PCDH15: variants seen among roughly 807,000 people sequenced by gnomAD.
PCDH15 encodes protocadherin related 15, also known as protocadherin-15.
In PCDH15, 129 loss-of-function variants were observed where a neutral mutation model predicts 178.5. That is an observed-to-expected ratio of 0.72 (90% CI 0.63 to 0.84). The LOEUF is 0.84. Ranked by LOEUF, PCDH15 falls within the 40% of genes least tolerant of loss-of-function variation. The pLI, the probability that PCDH15 is intolerant of heterozygous loss-of-function variation, is 0.00. For missense variants in PCDH15, 2,230 were observed against 2,099.9 expected (o/e 1.06, Z -1.21); for synonymous variants, 800 against 732.0 (o/e 1.09, Z -1.50).
intron 3 of PCDH15, among the ~76,000 whole-genome samples, chr10:54,514,811 A>G (rs1231683192): frequency 6.6e-6 from 1 of 152,220 alleles, no homozygotes; most frequent in Non-Finnish European, 1.5e-5. Context: ...CATACTTGCT[A>G]TGCAATACAG....
At chr10:55,225,603 T>C (rs1841008283) in intron 1 of PCDH15, among the ~76,000 whole-genome samples, 3 of 151,168 alleles carry the variant, frequency 2.0e-5, no homozygotes, top group African/African-American at 7.3e-5. Context: ...TAAACGATTG[T>C]GGGATGTGTG....
chr10:55,377,195 C>A (rs1458706922), intron 2 of PCDH15, among the ~76,000 whole-genome samples: 4 of 150,084 alleles, frequency 2.7e-5, no homozygotes, highest in Non-Finnish European at 5.9e-5. Context: ...GTACTGTCAC[C>A]AGGCAGGCTC....
chr10:55,367,312 G>A (rs1845389183), intron 2 of PCDH15, among the ~76,000 whole-genome samples: 1 of 152,016 alleles, frequency 6.6e-6, no homozygotes, highest in Admixed American at 6.6e-5. Flanking sequence ...CAGATGCCTC[G>A]GCTCACACAT....
At chr10:55,586,986 T>C (rs1345444474) in intron 2 of PCDH15, among the ~76,000 whole-genome samples, 1 of 152,088 alleles carries the variant, frequency 6.6e-6, no homozygotes, top group African/African-American at 2.4e-5. Context: ...CAGAACCAGG[T>C]TAAAGTGGGA....
intron 2 of PCDH15, among the ~76,000 whole-genome samples, chr10:55,099,955 G>T (rs1215311324): frequency 6.6e-6 from 1 of 151,924 alleles, no homozygotes; most frequent in East Asian, 1.9e-4. Context: ...TCAAAAAAAA[G>T]TATAATCCTC....
intron 28 of PCDH15, among the ~76,000 whole-genome samples, chr10:53,853,073 G>T (rs995810294): frequency 1.3e-5 from 2 of 151,690 alleles, no homozygotes; most frequent in Admixed American, 1.3e-4. Flanking sequence ...TACTAATGTA[G>T]GTTTCAAAAA....
chr10:54,191,986 C>CG (rs1415557849), intron 11 of PCDH15, among the ~76,000 whole-genome samples: 1 of 125,440 alleles, frequency 8.0e-6, no homozygotes, highest in Non-Finnish European at 1.7e-5. Context: ...AAGGAAGGGA[C>CG]GGGGGGAAGG....
chr10:55,156,867 G>A (rs1838904565), intron 2 of PCDH15, among the ~76,000 whole-genome samples: 1 of 152,094 alleles, frequency 6.6e-6, no homozygotes, highest in African/African-American at 2.4e-5. Context: ...ATATAAATTT[G>A]AAAGTGGAAT....
chr10:54,058,604 C>T (rs1271467732), intron 18 of PCDH15, among the ~76,000 whole-genome samples: 1 of 152,034 alleles, frequency 6.6e-6, no homozygotes, highest in African/African-American at 2.4e-5. Context: ...ACAACCAAAC[C>T]ATATCGGTCA....
chr10:54,879,410 G>A (rs1269933843), intron 3 of PCDH15, among the ~76,000 whole-genome samples: 9 of 152,036 alleles, frequency 5.9e-5, no homozygotes, highest in Non-Finnish European at 1.2e-4. Context: ...ACACATGAGG[G>A]AGCTGAAGCT....
At chr10:55,041,101 T>C (rs569923187) in intron 2 of PCDH15, among the ~76,000 whole-genome samples, 41 of 152,284 alleles carry the variant, frequency 2.7e-4, no homozygotes, top group African/African-American at 9.6e-4. Flanking sequence ...AAGAATATTT[T>C]ACTTTACTGT....
chr10:54,611,047 C>T (rs2092944462), intron 2 of PCDH15, among the ~76,000 whole-genome samples: 1 of 151,644 alleles, frequency 6.6e-6, no homozygotes, highest in Non-Finnish European at 1.5e-5. Flanking sequence ...GTCTTAAATA[C>T]CACAAATGAA....
At chr10:54,144,078 G>A in intron 14 of PCDH15, among the ~76,000 whole-genome samples, 1 of 85,344 alleles carries the variant, frequency 1.2e-5, no homozygotes, top group East Asian at 1.0e-3. Context: ...TGCCTTTGTT[G>A]GAAGTTGGGG....
At chr10:55,185,176 G>A (rs889505815) in intron 1 of PCDH15, among the ~76,000 whole-genome samples, 2 of 151,828 alleles carry the variant, frequency 1.3e-5, no homozygotes, top group Non-Finnish European at 2.9e-5. Flanking sequence ...AATAGAAACT[G>A]TTTTGTAAAC....
Position 55,406,300 on chromosome 10 carries a change from G to C in PCDH15, c.-156+221325C>G, listed in dbSNP as rs552704914. Among the ~76,000 whole-genome samples the C allele has an allele frequency of 5.9e-5, 9 of 152,188 alleles. No homozygotes were observed. In the South Asian group the frequency reaches 1.9e-3, roughly 32 times the overall value. On this transcript the variant is annotated intron_variant, in intron 2 of 5. Transcript: ENST00000613346. ...AAGTGAACACCCACTTGTATAAAAG[G>C]TTATTCTGCCTGGTGTGTTGAGTAG... is the stretch of plus-strand genomic sequence containing the variant.
intron 2 of PCDH15, among the ~76,000 whole-genome samples, chr10:55,149,241 TA>T (rs1838622935): frequency 8.8e-6 from 1 of 113,088 alleles, no homozygotes; most frequent in South Asian, 3.4e-4. Flanking sequence ...CTAAGTTAAT[TA>T]AAAATAAATG....
At chr10:54,822,826 C>T (rs963464273) in intron 3 of PCDH15, among the ~76,000 whole-genome samples, 2 of 151,696 alleles carry the variant, frequency 1.3e-5, no homozygotes, top group African/African-American at 2.4e-5. Flanking sequence ...AGTCATATAA[C>T]TGGGATGAAA....
intron 1 of PCDH15, among the ~76,000 whole-genome samples, chr10:54,671,568 T>A (rs1316502856): frequency 1.3e-5 from 2 of 152,074 alleles, no homozygotes; most frequent in Non-Finnish European, 1.5e-5. Flanking sequence ...ATTAGGACAA[T>A]AAAATCCATT....
chr10:54,994,950 T>A (rs1839599529), intron 2 of PCDH15, among the ~76,000 whole-genome samples: 1 of 152,218 alleles, frequency 6.6e-6, no homozygotes, highest in African/African-American at 2.4e-5. Context: ...ACATTAAAGT[T>A]TATATCTTCT....
Sources: allele counts gnomAD v4.1 joint callset (sites outside exome capture counted in the v4.1 genomes callset), GRCh38; gene constraint gnomAD v4.1.1; transcripts MANE v1.5; gene names NCBI Gene and HGNC (gene_info 2026-07-23, HGNC 2026-07-21).